The following PTPN14 variants were observed in gnomAD, a reference collection of about 807,000 sequenced individuals.
PTPN14 encodes the protein tyrosine-protein phosphatase non-receptor type 14.
PTPN14 carries 53 observed loss-of-function variants against 126.8 expected under a neutral mutation model. That is an observed-to-expected ratio of 0.42 (90% confidence interval 0.34 to 0.53). The LOEUF (loss-of-function observed/expected upper bound fraction) is 0.53, where lower values mean the gene tolerates loss of function less well. Among genes scored for constraint, PTPN14 ranks in the 20% least tolerant of loss-of-function variants. The probability of loss-of-function intolerance (pLI) is 0.08; values close to 1 mark genes in which losing one functional copy is unlikely to be tolerated. For missense variants in PTPN14, 1,257 were observed against 1,552.9 expected (o/e 0.81, Z 3.20); for synonymous variants, 630 against 599.3 (o/e 1.05, Z -0.75).
intron 2 of PTPN14, among the ~76,000 whole-genome samples, chr1:214,462,142 G>A (rs1016921303): frequency 4.6e-5 from 7 of 152,124 alleles, no homozygotes; most frequent in African/African-American, 9.7e-5. Context: ...TGATTTGGTC[G>A]AATGCGGATG....
intron 1 of PTPN14, among the ~76,000 whole-genome samples, chr1:214,489,958 T>C (rs1304578447): frequency 4.6e-5 from 7 of 152,122 alleles, no homozygotes; most frequent in Non-Finnish European, 1.5e-5. Flanking sequence ...CTTCTGAGAG[T>C]TTAGATTTTG....
In PTPN14 at chr1:214,406,283, G is replaced by C. The variant is rs1383005107; in HGVS notation, c.511-3330C>G. 2.0e-5 allele frequency among the ~76,000 whole-genome samples: 3 copies of C among 152,040 alleles called. 1 individual carries two copies. The highest frequency in any genetic ancestry group is 2.9e-5 in the Non-Finnish European group (2 of 68,000). On this transcript the variant is annotated intron_variant, in intron 5 of 18. Transcript: ENST00000366956. ...ACTTGAGGCCAAGAGTTTGAGACCA[G>C]CCTAGCCAACATGGTGAAACTCCAT...
chr1:214,395,931 T>A (rs892668111), intron 8 of PTPN14, among the ~76,000 whole-genome samples: 1 of 151,950 alleles, frequency 6.6e-6, no homozygotes, highest in Non-Finnish European at 1.5e-5. Context: ...TACCCACACG[T>A]GAGGAGAAGA....
chr1:214,424,351 A>C (rs1176973451), intron 3 of PTPN14, among the ~76,000 whole-genome samples: 1 of 152,086 alleles, frequency 6.6e-6, no homozygotes, highest in Non-Finnish European at 1.5e-5. Context: ...ACGTTTGAAA[A>C]CACAGACATA....
intron 1 of PTPN14, among the ~76,000 whole-genome samples, chr1:214,465,973 T>G (rs960783227): frequency 2.9e-5 from 4 of 140,024 alleles, no homozygotes; most frequent in African/African-American, 1.1e-4. Flanking sequence ...TTTTTTTTTG[T>G]GAAGACGGAG....
intron 5 of PTPN14, among the ~76,000 whole-genome samples, chr1:214,411,340 A>G (rs74775189): frequency 0.017 from 2,603 of 152,292 alleles, 82 homozygotes; most frequent in African/African-American, 0.059. Flanking sequence ...TGATGATGAC[A>G]TGATCTTATA....
intron 1 of PTPN14, among the ~76,000 whole-genome samples, chr1:214,471,496 C>T (rs530434437): frequency 3.3e-5 from 5 of 152,288 alleles, no homozygotes; most frequent in Admixed American, 2.0e-4. Flanking sequence ...AAAGTGTGGA[C>T]AAGTTCCCTT....
chr1:214,377,999 T>A lies in PTPN14; in HGVS notation c.2648A>T (p.Glu883Val). 6.2e-7 allele frequency: 1 copy of A among 1,613,578 alleles called. No individual in the cohort carries two copies. The highest frequency in any genetic ancestry group is 8.5e-7 in the Non-Finnish European group (1 of 1,179,938). ...AACCCGGGTGGCATCAACTCGATTC[T>A]CTTCCCGCCCTGAGACTCGAGCCAC... The part of the protein sequence containing the change: ...LSVARVSGRE[E>V]NRVDATRVPM... Residue 883 changes from glutamate (E) to valine (V), a missense_variant, in exon 14 of 19, where the codon GAG (glutamate) becomes GTG (valine). Glu to Val is a moderately radical substitution (Grantham distance 121, BLOSUM62 -2). Transcript: ENST00000366956.
In PTPN14 at chr1:214,409,291, C is replaced by T. The variant is rs1659242007; in HGVS notation, c.510+2393G>A. Among the ~76,000 whole-genome samples, 4 of 152,218 alleles carry T rather than the reference C, an allele frequency of 2.6e-5. 1 individual carries two copies. In the South Asian group the frequency reaches 8.3e-4, roughly 32 times the overall value. ...CCACTCTCTACATCTATAAGTTCAA[C>T]TTCTTTTGATTCCACATACAAGTGA... On this transcript the variant is annotated intron_variant, in intron 5 of 18. Coordinates refer to ENST00000366956, the MANE Select transcript of PTPN14 (RefSeq NM_005401.5).
At chr1:214,474,054 G>C (rs1660816304) in intron 1 of PTPN14, among the ~76,000 whole-genome samples, 1 of 152,288 alleles carries the variant, frequency 6.6e-6, no homozygotes, top group Middle Eastern at 3.4e-3. Context: ...TGGTGAGATG[G>C]AAACTTGTCC....
chr1:214,460,536 C>CACAT (rs1660486949), intron 2 of PTPN14, among the ~76,000 whole-genome samples: 1 of 150,700 alleles, frequency 6.6e-6, no homozygotes, highest in African/African-American at 2.4e-5. Context: ...CACACACACA[C>CACAT]ACACACACAC....
Position 214,499,775 on chromosome 1 carries a change from CA to C in PTPN14, c.-154-34819del, listed in dbSNP as rs1259495630. On this transcript the variant is annotated intron_variant, in intron 1 of 18. Transcript: ENST00000366956. ...TTATATTATTTCTAATTTAAGCATT[CA>C]TTTTTTTTTAGATTGCCTAGGAGAC... Among the ~76,000 whole-genome samples the C allele has an allele frequency of 9.3e-5, 14 of 150,838 alleles. No homozygotes were observed. In the East Asian group the frequency reaches 2.3e-3, roughly 25 times the overall value.
chr1:214,422,188 A>C (rs1185765320), intron 3 of PTPN14, among the ~76,000 whole-genome samples: 1 of 152,256 alleles, frequency 6.6e-6, no homozygotes, highest in Non-Finnish European at 1.5e-5. Context: ...CACATCAAGC[A>C]GGAAGTCTTG....
chr1:214,435,196 C>T (rs998771218), intron 3 of PTPN14, among the ~76,000 whole-genome samples: 4 of 151,732 alleles, frequency 2.6e-5, no homozygotes, highest in Non-Finnish European at 5.9e-5. Context: ...TATATTGGGC[C>T]AGGATGAAAA....
chr1:214,531,411 C>T (rs1655543103), intron 1 of PTPN14: 4 of 151,530 alleles, frequency 2.6e-5, no homozygotes, highest in South Asian at 2.1e-4. Flanking sequence ...GACGTTTCTC[C>T]GCCAAATGAG....
At chr1:214,452,041 C>CGA in intron 2 of PTPN14, 67 bp from the exon 3 acceptor site, 2 of 1,520,074 alleles carry the variant, frequency 1.3e-6, no homozygotes, top group Non-Finnish European at 1.8e-6. Context: ...ACACAAGAAA[C>CGA]GAGACTCCAG....
chr1:214,486,811 T>C (rs1217396506), intron 1 of PTPN14, among the ~76,000 whole-genome samples: 1 of 152,146 alleles, frequency 6.6e-6, no homozygotes, highest in Non-Finnish European at 1.5e-5. Context: ...CCAAACTCAA[T>C]ACTGCAGTGA....
intron 7 of PTPN14, 34 bp downstream of exon 7, chr1:214,401,648 GAGA>G: frequency 6.8e-7 from 1 of 1,475,308 alleles, no homozygotes; most frequent in East Asian, 2.4e-5. Context: ...GTACCGGTCT[GAGA>G]AGGTTAAAGC....
intron 3 of PTPN14, among the ~76,000 whole-genome samples, chr1:214,433,964 A>C (rs879488883): frequency 0.35 from 48,020 of 135,378 alleles, 8,755 homozygotes; most frequent in Non-Finnish European, 0.44. Context: ...AAAAAAAAAA[A>C]AAAAAAAACT....
Sources: allele counts gnomAD v4.1 joint callset (sites outside exome capture counted in the v4.1 genomes callset), GRCh38; gene constraint gnomAD v4.1.1; transcripts MANE v1.5; gene names NCBI Gene and HGNC (gene_info 2026-07-23, HGNC 2026-07-21).